The following ZMYM4 variants were observed in gnomAD, a reference collection of about 807,000 sequenced individuals.
ZMYM4 encodes zinc finger MYM-type protein 4.
In ZMYM4, 31 loss-of-function variants were observed where a neutral mutation model predicts 183.2. The ratio of observed to expected loss-of-function variants is 0.17; its 90% CI spans 0.13 to 0.23. The LOEUF (loss-of-function observed/expected upper bound fraction) is 0.23. Ranked by LOEUF, ZMYM4 falls within the 10% of genes least tolerant of loss-of-function variation. ZMYM4 has a pLI of 1.00. For synonymous variants in ZMYM4, 592 were observed against 631.2 expected (o/e 0.94, Z 0.93); for missense variants, 1,273 against 1,840.3 (o/e 0.69, Z 5.64).
At chr1:35,283,165 C>G (rs1570244513) in intron 1 of ZMYM4, among the ~76,000 whole-genome samples, 1 of 130,510 alleles carries the variant, frequency 7.7e-6, no homozygotes, top group Non-Finnish European at 1.5e-5. Flanking sequence ...GCCATCATGC[C>G]TGGCTAATTT....
intron 1 of ZMYM4, among the ~76,000 whole-genome samples, chr1:35,279,748 A>T (rs1030841392): frequency 3.3e-4 from 50 of 152,150 alleles, no homozygotes; most frequent in Non-Finnish European, 2.1e-4. Context: ...TTTCTATCCC[A>T]CAGTAGAACA....
At chr1:35,299,797 C>CTTT (rs553866480) in intron 1 of ZMYM4, among the ~76,000 whole-genome samples, 2 of 142,956 alleles carry the variant, frequency 1.4e-5, no homozygotes, top group African/African-American at 5.1e-5. Flanking sequence ...TCTTTCTTTT[C>CTTT]TTTTTTTTTT....
intron 7 of ZMYM4, among the ~76,000 whole-genome samples, chr1:35,375,526 CAATTT>C (rs1388946508): frequency 6.6e-6 from 1 of 152,130 alleles, no homozygotes; most frequent in Non-Finnish European, 1.5e-5. Flanking sequence ...AGAAGGGTTT[CAATTT>C]GATTTGAACA....
Position 35,418,590 on chromosome 1 carries a change from T to G in ZMYM4, c.4439+18T>G, listed in dbSNP as rs1319105151. 3.7e-6 allele frequency: 6 copies of G among 1,613,416 alleles called. No homozygotes were observed. In the Admixed American group the frequency reaches 1.0e-4, roughly 27 times the overall value. Reference sequence around the variant, plus strand: ...TCAAAATGGTAATCTTTCTCTGAACTGAATGTAGTGCACTCAGAAGGCAGT... The same window carrying G: ...TCAAAATGGTAATCTTTCTCTGAACGGAATGTAGTGCACTCAGAAGGCAGT... On this transcript the variant is annotated intron_variant, in intron 29 of 29. Transcript: ENST00000314607.
intron 2 of ZMYM4, among the ~76,000 whole-genome samples, chr1:35,353,263 G>A (rs552349043): frequency 1.3e-5 from 2 of 152,262 alleles, no homozygotes; most frequent in African/African-American, 2.4e-5. Flanking sequence ...TTCCTAAGTG[G>A]TCCTAAGTGA....
At chr1:35,328,918 C>A (rs1016679107) in intron 2 of ZMYM4, among the ~76,000 whole-genome samples, 1 of 152,150 alleles carries the variant, frequency 6.6e-6, no homozygotes, top group Non-Finnish European at 1.5e-5. Flanking sequence ...GGAACTGTCT[C>A]AAAATGTCTG....
chr1:35,406,899 A>G (rs1312416186), intron 25 of ZMYM4, among the ~76,000 whole-genome samples: 1 of 152,170 alleles, frequency 6.6e-6, no homozygotes, highest in African/African-American at 2.4e-5. Context: ...ATCAAATTGG[A>G]TAACTCCCCT....
chr1:35,344,502 G>C (rs1643321001), intron 2 of ZMYM4, among the ~76,000 whole-genome samples: 1 of 151,896 alleles, frequency 6.6e-6, no homozygotes, highest in Non-Finnish European at 1.5e-5. Flanking sequence ...CCCTCTCTCA[G>C]ATCAAAGACC....
intron 18 of ZMYM4, among the ~76,000 whole-genome samples, chr1:35,396,193 TGCATTATA>T (rs1156399796): frequency 6.6e-6 from 1 of 152,228 alleles, no homozygotes; most frequent in Non-Finnish European, 1.5e-5. Flanking sequence ...TTTTGAAATG[TGCATTATA>T]GCATGATGGA....
intron 2 of ZMYM4, among the ~76,000 whole-genome samples, chr1:35,328,454 A>ATTTTTTTTTTTT (rs754078160): frequency 8.5e-6 from 1 of 117,086 alleles, no homozygotes; most frequent in African/African-American, 3.5e-5. Flanking sequence ...TAATTTTTTA[A>ATTTTTTTTTTTT]TTTTTTTTTT....
Position 35,359,375 on chromosome 1 carries a change from G to A in ZMYM4, c.536G>A (p.Arg179His), listed in dbSNP as rs745941371. Residue 179 changes from arginine (R) to histidine (H), a missense_variant, in exon 3 of 30, where the codon CGT becomes CAT. Transcript: ENST00000314607. ...AAAAATAGAGACCTAACTTATGAACGTGAAAAACGGTTGGATAAACCCCAT... is the reference window on the plus strand; with the variant it reads ...AAAAATAGAGACCTAACTTATGAACATGAAAAACGGTTGGATAAACCCCAT... ...KEKNRDLTYE[R>H]EKRLDKPHKD... The A allele has an allele frequency of 5.0e-6, 8 of 1,596,682 alleles. No individual in the cohort carries two copies. The East Asian group carries it at 6.7e-5, about 13-fold the overall frequency.
At chr1:35,394,139 T>C (rs1278238467) in intron 18 of ZMYM4, among the ~76,000 whole-genome samples, 2 of 150,288 alleles carry the variant, frequency 1.3e-5, no homozygotes, top group Non-Finnish European at 2.9e-5. Context: ...AGTCAGTTCC[T>C]TTGAGGAGAG....
intron 2 of ZMYM4, among the ~76,000 whole-genome samples, chr1:35,334,353 T>A (rs1412267145): frequency 1.3e-5 from 2 of 152,084 alleles, no homozygotes; most frequent in African/African-American, 4.8e-5. Flanking sequence ...ACCTCACATT[T>A]CCACCAGCAG....
chr1:35,387,381 A>T, intron 12 of ZMYM4, 73 bp from the exon 13 acceptor site: 1 of 1,568,486 alleles, frequency 6.4e-7, no homozygotes, highest in Non-Finnish European at 8.6e-7. Flanking sequence ...TTTGTTTTGA[A>T]AGTAAGGGAG....
intron 2 of ZMYM4, among the ~76,000 whole-genome samples, chr1:35,337,591 A>G (rs1453487952): frequency 6.6e-6 from 1 of 152,130 alleles, no homozygotes; most frequent in East Asian, 1.9e-4. Flanking sequence ...AACATTTTAG[A>G]CTTTGTAGGT....
chr1:35,401,915 G>T (rs1220855341), intron 23 of ZMYM4, among the ~76,000 whole-genome samples: 2 of 152,082 alleles, frequency 1.3e-5, no homozygotes. Context: ...AATCATATAT[G>T]TATCTATCAG....
intron 2 of ZMYM4, among the ~76,000 whole-genome samples, chr1:35,341,356 G>A (rs557353334): frequency 3.3e-5 from 5 of 151,838 alleles, no homozygotes; most frequent in Non-Finnish European, 7.4e-5. Context: ...TTTTTATTAT[G>A]TATTTGTTCT....
intron 2 of ZMYM4, among the ~76,000 whole-genome samples, chr1:35,356,468 T>C (rs1487913092): frequency 6.6e-6 from 1 of 152,248 alleles, no homozygotes; most frequent in African/African-American, 2.4e-5. Flanking sequence ...TTTTACTATC[T>C]GTTGTCTCAA....
intron 7 of ZMYM4, among the ~76,000 whole-genome samples, chr1:35,377,596 A>C (rs1644362676): frequency 6.6e-6 from 1 of 152,262 alleles, no homozygotes; most frequent in Non-Finnish European, 1.5e-5. Flanking sequence ...TTCCCAGTTC[A>C]TATCAAAGTT....
Sources: gnomAD v4.1 joint callset for allele counts (sites outside exome capture counted in the v4.1 genomes callset) on GRCh38, gnomAD v4.1.1 for gene constraint, MANE v1.5 for transcripts, NCBI Gene and HGNC (gene_info 2026-07-23, HGNC 2026-07-21) for gene names.